Variants in GPC6 observed in about 807,000 individuals in gnomAD.
The protein encoded by GPC6 is glypican-6.
Under a neutral mutation model 55.2 loss-of-function variants are expected in GPC6, and 14 were observed. That is an observed-to-expected ratio of 0.25 (90% CI 0.17 to 0.40). GPC6 has a LOEUF of 0.40. GPC6 is among the 10% of genes least tolerant of loss of function. The pLI is 1.00. For missense variants in GPC6, 641 were observed against 708.5 expected, an observed-to-expected ratio of 0.90 and a Z score of 1.08; for synonymous variants, 278 against 259.6, an observed-to-expected ratio of 1.07 and a Z score of -0.68.
chr13:94,011,648 C>G lies in GPC6; in HGVS notation c.712-16081C>G, dbSNP rs113134362. Among the ~76,000 whole-genome samples the G allele has an allele frequency of 6.3e-3, 962 of 152,282 alleles. 7 individuals are homozygous for G. The highest frequency in any genetic ancestry group is 0.022 in the African/African-American group (924 of 41,552). Reference sequence around the variant, plus strand: ...AAGAGTCCAAGGATACTGAATTCCTCCGTGTTCCCAATATTCCACTTTGAG... The same window carrying G: ...AAGAGTCCAAGGATACTGAATTCCTGCGTGTTCCCAATATTCCACTTTGAG... On this transcript the variant is annotated intron_variant, in intron 3 of 8. Coordinates refer to ENST00000377047, the MANE Select transcript of GPC6 (RefSeq NM_005708.5).
At chr13:93,986,153 TTC>T (rs1199033229) in intron 3 of GPC6, among the ~76,000 whole-genome samples, 6 of 152,200 alleles carry the variant, frequency 3.9e-5, no homozygotes, top group African/African-American at 7.2e-5. Flanking sequence ...ATAATATTCT[TTC>T]TGTCTTTTAT....
intron 2 of GPC6, among the ~76,000 whole-genome samples, chr13:93,748,256 A>G (rs887975012): frequency 2.0e-5 from 3 of 152,146 alleles, no homozygotes; most frequent in Non-Finnish European, 1.5e-5. Context: ...CACTTGTTGA[A>G]TTTTTAAATG....
intron 1 of GPC6, among the ~76,000 whole-genome samples, chr13:93,448,784 TGTATAA>T (rs1454148254): frequency 6.6e-6 from 1 of 152,204 alleles, no homozygotes; most frequent in African/African-American, 2.4e-5. Context: ...ATAAATGTCT[TGTATAA>T]GATTCAATAA....
At chr13:93,891,033 C>A (rs1350884673) in intron 3 of GPC6, among the ~76,000 whole-genome samples, 1 of 151,952 alleles carries the variant, frequency 6.6e-6, no homozygotes, top group African/African-American at 2.4e-5. Flanking sequence ...ATGAACCTAT[C>A]AGTGGAAATA....
At chr13:93,511,431 G>A (rs1880967881) in intron 1 of GPC6, among the ~76,000 whole-genome samples, 1 of 110,866 alleles carries the variant, frequency 9.0e-6, no homozygotes, top group Non-Finnish European at 2.0e-5. Flanking sequence ...TATTGAAGGT[G>A]GTTTCCTTTC....
intron 4 of GPC6, among the ~76,000 whole-genome samples, chr13:94,139,536 C>T (rs369146209): frequency 1.6e-4 from 25 of 152,128 alleles, no homozygotes; most frequent in African/African-American, 4.8e-4. Context: ...GTAGATCTAG[C>T]GCAAATCCAT....
Position 93,496,091 on chromosome 13 carries a change from G to A in GPC6, c.161-49172G>A, listed in dbSNP as rs1222506606. Among the ~76,000 whole-genome samples, 3 of 152,108 alleles carry A rather than the reference G, an allele frequency of 2.0e-5. No homozygotes were observed. The East Asian group carries it at 5.8e-4, about 30-fold the overall frequency. On this transcript the variant is annotated intron_variant, in intron 1 of 8. Transcript: ENST00000377047. Reference sequence around the variant, plus strand: ...CTGGCTGCTTTGTTTACCTAAGCAAGCCTGGGCAATGGTTGGCGCCCCTCC... The same window carrying A: ...CTGGCTGCTTTGTTTACCTAAGCAAACCTGGGCAATGGTTGGCGCCCCTCC...
intron 4 of GPC6, among the ~76,000 whole-genome samples, chr13:94,224,975 T>C (rs1890501972): frequency 6.6e-6 from 1 of 152,130 alleles, no homozygotes; most frequent in African/African-American, 2.4e-5. Context: ...AGGATCCTGA[T>C]CACACTTGTT....
At chr13:93,481,187 G>C (rs1279008139) in intron 1 of GPC6, among the ~76,000 whole-genome samples, 1 of 152,096 alleles carries the variant, frequency 6.6e-6, no homozygotes, top group Non-Finnish European at 1.5e-5. Context: ...CCTGATGGCT[G>C]ACAATTTTGA....
chr13:94,321,840 T>C (rs1284522368), intron 6 of GPC6, among the ~76,000 whole-genome samples: 1 of 152,172 alleles, frequency 6.6e-6, no homozygotes, highest in East Asian at 1.9e-4. Flanking sequence ...ATACCTAAGC[T>C]CTTGGTGCTG....
intron 3 of GPC6, among the ~76,000 whole-genome samples, chr13:93,968,985 G>A (rs957813173): frequency 1.2e-4 from 18 of 152,124 alleles, no homozygotes; most frequent in Non-Finnish European, 1.0e-4. Context: ...ATTCCACAAA[G>A]ATCCAGGCAT....
chr13:93,222,137 G>C (rs1039215779), upstream of GPC6, among the ~76,000 whole-genome samples: 1 of 152,136 alleles, frequency 6.6e-6, no homozygotes, highest in African/African-American at 2.4e-5. Flanking sequence ...GATAGGGTAA[G>C]ACCTTTTTAT....
chr13:93,876,731 A>C (rs1218405702), intron 3 of GPC6, among the ~76,000 whole-genome samples: 1 of 152,096 alleles, frequency 6.6e-6, no homozygotes, highest in East Asian at 1.9e-4. Context: ...AGAATTATCC[A>C]GGAAGAATTT....
chr13:93,928,739 CG>C (rs202133360), intron 3 of GPC6, among the ~76,000 whole-genome samples: 21,592 of 151,826 alleles, frequency 0.14, 1,788 homozygotes, highest in Middle Eastern at 0.26. Context: ...ACTAGTATGA[CG>C]AGGTAGACAG....
intron 7 of GPC6, among the ~76,000 whole-genome samples, chr13:94,387,728 G>GTT (rs1234327691): frequency 3.7e-5 from 3 of 80,060 alleles, no homozygotes; most frequent in South Asian, 3.2e-4. Flanking sequence ...GGAGACATGA[G>GTT]TTTCTCTCTC....
At chr13:93,542,021 A>G (rs537887002) in intron 1 of GPC6, among the ~76,000 whole-genome samples, 50 of 152,144 alleles carry the variant, frequency 3.3e-4, no homozygotes, top group African/African-American at 1.2e-3. Context: ...GAAGCTCTTT[A>G]GTTTAATTAG....
intron 1 of GPC6, among the ~76,000 whole-genome samples, chr13:93,470,835 G>A (rs1007746485): frequency 2.0e-5 from 3 of 151,414 alleles, no homozygotes; most frequent in African/African-American, 7.3e-5. Context: ...GATGATAAAT[G>A]TTATCCATTT....
chr13:94,163,082 T>C (rs1888224818), intron 4 of GPC6, among the ~76,000 whole-genome samples: 2 of 152,200 alleles, frequency 1.3e-5, no homozygotes, highest in Non-Finnish European at 2.9e-5. Context: ...GAATCATTAT[T>C]TTTCTCACCA....
intron 3 of GPC6, among the ~76,000 whole-genome samples, chr13:93,837,419 A>G (rs2138992256): frequency 6.6e-6 from 1 of 152,330 alleles, no homozygotes; most frequent in South Asian, 2.1e-4. Flanking sequence ...TCTGTCTTCT[A>G]CAATCTGAGA....
Sources: gnomAD v4.1 joint callset for allele counts (sites outside exome capture counted in the v4.1 genomes callset) on GRCh38, gnomAD v4.1.1 for gene constraint, MANE v1.5 for transcripts, NCBI Gene and HGNC (gene_info 2026-07-23, HGNC 2026-07-21) for gene names.